Variants in SDK1 observed in about 807,000 individuals in gnomAD.
SDK1 encodes protein sidekick-1.
In SDK1, 157 loss-of-function variants were observed where a neutral mutation model predicts 245.5. The ratio of observed to expected loss-of-function variants is 0.64; its 90% CI spans 0.56 to 0.73. The LOEUF (loss-of-function observed/expected upper bound fraction) is 0.73. Ranked by LOEUF, SDK1 falls within the 30% of genes least tolerant of loss-of-function variation. The pLI, the probability that SDK1 is intolerant of heterozygous loss-of-function variation, is 0.00. For synonymous variants in SDK1, 1,647 were observed against 1,278.5 expected, an observed-to-expected ratio of 1.29 and a Z score of -6.15; for missense variants, 3,583 against 3,002.3, an observed-to-expected ratio of 1.19 and a Z score of -4.52.
rs1422455580 is a variant in SDK1, at chr7:4,149,388, G to A, written c.4550G>A (p.Arg1517Gln). 3 of 1,586,890 alleles carry A rather than the reference G, an allele frequency of 1.9e-6. No individual in the cohort carries two copies. Among genetic ancestry groups the A allele is most frequent in the South Asian group, 2.3e-5 (2 of 86,902 alleles). Residue 1517 changes from arginine (R) to glutamine (Q), a missense_variant, in exon 30 of 45, where the codon CGA (arginine) becomes CAA (glutamine). Arg to Gln is a conservative substitution (Grantham distance 43, BLOSUM62 1). Coordinates refer to ENST00000404826, the MANE Select transcript of SDK1 (RefSeq NM_152744.4). Reference protein sequence around the residue: ...SPIRYFTMQVRELPRGEWQTY... With the variant: ...SPIRYFTMQVQELPRGEWQTY... ...ATCCGGTACTTCACCATGCAGGTGC[G>A]AGAGCTGCCTCGGGGTGAGTGGCAG...
chr7:3,392,331 T>C (rs1781779535), intron 1 of SDK1, among the ~76,000 whole-genome samples: 7 of 152,200 alleles, frequency 4.6e-5, no homozygotes, highest in Admixed American at 4.6e-4. Context: ...CATTCGTTTT[T>C]ATTGAAACTC....
intron 4 of SDK1, among the ~76,000 whole-genome samples, chr7:3,794,047 T>C (rs1004165668): frequency 1.3e-5 from 2 of 152,234 alleles, no homozygotes; most frequent in African/African-American, 4.8e-5. Context: ...ATGTTTCATC[T>C]TTAAGAAGCA....
At chr7:3,417,438 G>A (rs1446731196) in intron 1 of SDK1, among the ~76,000 whole-genome samples, 1 of 151,950 alleles carries the variant, frequency 6.6e-6, no homozygotes, top group Admixed American at 6.6e-5. Context: ...TGTTTTCTCT[G>A]CTAACTTTCT....
Position 3,429,760 on chromosome 7 carries a change from C to CT in SDK1, c.298+127889dup, listed in dbSNP as rs1237597039. The stretch of plus-strand genomic sequence containing the variant: ...TACAGGTGTGGGACACCATGTCTGG[C>CT]TTTTTTTTTTTTTGTAGAGACAGGT... On this transcript the variant is annotated intron_variant, in intron 1 of 44. Coordinates refer to ENST00000404826, the MANE Select transcript of SDK1 (RefSeq NM_152744.4). Among the ~76,000 whole-genome samples the CT allele has an allele frequency of 5.3e-3, 757 of 143,248 alleles. 10 individuals are homozygous for CT. The highest frequency in any genetic ancestry group is 0.012 in the African/African-American group (475 of 39,264). The allele number at this position is 143,248 out of a possible 152,430, so 94.0% of individuals were successfully genotyped here. A position where few individuals can be genotyped will look rare whatever the true frequency, so the allele number is the denominator to read the frequency against.
intron 2 of SDK1, among the ~76,000 whole-genome samples, chr7:3,635,411 T>C (rs111511185): frequency 6.6e-6 from 1 of 152,270 alleles, no homozygotes; most frequent in Non-Finnish European, 1.5e-5. Flanking sequence ...CTTAAAATTA[T>C]GCCTATCAGT....
intron 17 of SDK1, among the ~76,000 whole-genome samples, chr7:4,036,292 G>C (rs74428423): frequency 6.6e-6 from 1 of 152,048 alleles, no homozygotes; most frequent in Non-Finnish European, 1.5e-5. Flanking sequence ...TCTTTAGGTC[G>C]ACAGTTCTTC....
At chr7:3,526,943 T>TG in intron 1 of SDK1, among the ~76,000 whole-genome samples, 1 of 152,192 alleles carries the variant, frequency 6.6e-6, no homozygotes, top group Non-Finnish European at 1.5e-5. Flanking sequence ...TTTTATAATG[T>TG]TCAGACAGGA....
At chr7:3,701,041 G>A (rs1784724863) in intron 4 of SDK1, among the ~76,000 whole-genome samples, 1 of 152,156 alleles carries the variant, frequency 6.6e-6, no homozygotes, top group Non-Finnish European at 1.5e-5. Flanking sequence ...TTGCCGCGCA[G>A]GGAGGAGGCT....
Position 3,642,023 on chromosome 7 carries a change from A to T in SDK1, c.631A>T (p.Asn211Tyr). 1.2e-6 allele frequency: 2 copies of T among 1,613,670 alleles called. No homozygotes were observed. The highest frequency in any genetic ancestry group is 1.7e-6 in the Non-Finnish European group (2 of 1,179,548). The change falls in exon 4 of 45, where the codon AAC (asparagine) becomes TAC (tyrosine). Residue 211 changes from asparagine to tyrosine, a missense_variant. By Grantham distance (143) the Asn-to-Tyr change is moderately radical. Transcript: ENST00000404826. Reference sequence around the variant, plus strand: ...TTCTCAAGGACGTGCAGCGATTCTAAACCTGCTGCCCATCACCAGCTACCC... The same window carrying T: ...TTCTCAAGGACGTGCAGCGATTCTATACCTGCTGCCCATCACCAGCTACCC... The part of the protein sequence containing the change: ...TVSQGRAAIL[N>Y]LLPITSYPRP...
intron 1 of SDK1, among the ~76,000 whole-genome samples, chr7:3,355,454 C>T (rs1467418787): frequency 6.6e-6 from 1 of 152,160 alleles, no homozygotes; most frequent in African/African-American, 2.4e-5. Flanking sequence ...ATGTTGCTTG[C>T]AATTACAGGC....
At position 4,175,132 on chromosome 7, in the gene SDK1, G is replaced by A. The variant is rs147612854; in HGVS notation, c.4937-643G>A. 7.2e-4 allele frequency among the ~76,000 whole-genome samples: 109 copies of A among 152,296 alleles called. 1 individual carries two copies. In the East Asian group the frequency reaches 0.016, roughly 22 times the overall value. ...CCTTCCACGCACCCAGTGCGCGGAC[G>A]GCAGCAGCTCCTATGCTCCTATGCT... On this transcript the variant is annotated intron_variant, in intron 33 of 44. Transcript: ENST00000404826.
intron 5 of SDK1, among the ~76,000 whole-genome samples, chr7:3,885,128 T>C (rs1053979136): frequency 2.6e-5 from 4 of 151,974 alleles, no homozygotes; most frequent in African/African-American, 9.7e-5. Context: ...AAGGCTGTTC[T>C]GGTAATTCGG....
chr7:4,193,390 AT>A (rs1562414306), intron 35 of SDK1, among the ~76,000 whole-genome samples: 4,340 of 138,958 alleles, frequency 0.031, 186 homozygotes, highest in African/African-American at 0.09. Context: ...ATATATATAT[AT>A]ATATATAAAG....
rs1279746382 is a variant in SDK1 at position 4,267,392 on chromosome 7, A to G, written c.*2008A>G. On this transcript the variant is annotated 3_prime_UTR_variant, in exon 45 of 45. Coordinates refer to ENST00000404826, the MANE Select transcript of SDK1 (RefSeq NM_152744.4). ...GTGGAGGGGGAAATATTCTAAACCA[A>G]AAATCCTAGATGCTCTGCCCAAAGC... 4.3e-5 allele frequency: 42 copies of G among 984,908 alleles called. No individual in the cohort carries two copies. The highest frequency in any genetic ancestry group is 4.9e-5 in the Non-Finnish European group (41 of 829,868). 61.0% of individuals were successfully genotyped at this position (984,908 alleles called of 1,614,324 possible). A position where few individuals can be genotyped will look rare whatever the true frequency, so the allele number is the denominator to read the frequency against.
intron 31 of SDK1, among the ~76,000 whole-genome samples, chr7:4,161,412 T>C (rs920269800): frequency 6.6e-6 from 1 of 152,044 alleles, no homozygotes; most frequent in African/African-American, 2.4e-5. Context: ...CACCTAGGTA[T>C]CTTAAAAAAA....
intron 4 of SDK1, among the ~76,000 whole-genome samples, chr7:3,794,639 G>A (rs1778918240): frequency 6.6e-6 from 1 of 152,148 alleles, no homozygotes; most frequent in African/African-American, 2.4e-5. Flanking sequence ...TCTACTGCCT[G>A]GATTCTGCAG....
At chr7:3,990,328 CG>C (rs1056330250) in intron 14 of SDK1, among the ~76,000 whole-genome samples, 2 of 152,202 alleles carry the variant, frequency 1.3e-5, no homozygotes, top group African/African-American at 4.8e-5. Context: ...TCTTCCCCTG[CG>C]GGGGGCCTCT....
chr7:3,630,420 T>A (rs926275743), intron 2 of SDK1, among the ~76,000 whole-genome samples: 1 of 152,180 alleles, frequency 6.6e-6, no homozygotes, highest in African/African-American at 2.4e-5. Context: ...GATCAACATA[T>A]AAGAATTAAT....
intron 1 of SDK1, chr7:3,302,588 C>T (rs1188071670): frequency 6.6e-6 from 1 of 152,106 alleles, no homozygotes; most frequent in Admixed American, 6.5e-5. Flanking sequence ...ACGAGCTTTC[C>T]TTCCCAAATC....
Sources: gnomAD v4.1 joint callset for allele counts (sites outside exome capture counted in the v4.1 genomes callset) on GRCh38, gnomAD v4.1.1 for gene constraint, MANE v1.5 for transcripts, NCBI Gene and HGNC (gene_info 2026-07-23, HGNC 2026-07-21) for gene names.